The following PLD1 variants were observed in gnomAD, a reference collection of about 807,000 sequenced individuals.
PLD1 encodes choline phosphatase 1.
PLD1 carries 112 observed loss-of-function variants against 137.1 expected under a neutral mutation model. The ratio of observed to expected loss-of-function variants is 0.82; its 90% CI spans 0.70 to 0.96. The LOEUF (loss-of-function observed/expected upper bound fraction) is 0.96. PLD1 is among the 40% of genes least tolerant of loss of function. The pLI is 0.00. For synonymous variants in PLD1, 431 were observed against 454.7 expected (o/e 0.95, Z 0.66); for missense variants, 1,321 against 1,342.0 (o/e 0.98, Z 0.24).
At chr3:171,700,077 T>A (rs1716111523) in intron 11 of PLD1, among the ~76,000 whole-genome samples, 1 of 150,762 alleles carries the variant, frequency 6.6e-6, no homozygotes, top group African/African-American at 2.5e-5. Flanking sequence ...CTGTCTCTCA[T>A]ACCCACATGC....
chr3:171,809,369 C>T (rs1724017980), intron 1 of PLD1: 1 of 152,174 alleles, frequency 6.6e-6, no homozygotes, highest in South Asian at 2.1e-4. Context: ...AGATTCCTTT[C>T]CTTCTTTAAG....
In PLD1 at chr3:171,677,625, C is replaced by A; in HGVS notation, c.1937G>T (p.Gly646Val). 6.2e-7 allele frequency: 1 copy of A among 1,613,984 alleles called. No individual in the cohort carries two copies. The highest frequency in any genetic ancestry group is 8.5e-7 in the Non-Finnish European group (1 of 1,179,852). The change falls in exon 17 of 27, where the codon GGA becomes GTA. Residue 646 changes from glycine to valine, a missense_variant. Gly to Val is a moderately radical substitution (Grantham distance 109). Coordinates refer to ENST00000351298, the MANE Select transcript of PLD1 (RefSeq NM_002662.5). ...GAAGACGAAATTGCAGTAGTCCTTT[C>A]CATGCCAGAATCTGGTTTCCCCATG... is the stretch of plus-strand genomic sequence containing the variant. ...ELHGETRFWH[G>V]KDYCNFVFKD...
chr3:171,783,759 C>T (rs1722886665), intron 1 of PLD1, among the ~76,000 whole-genome samples: 1 of 152,134 alleles, frequency 6.6e-6, no homozygotes, highest in Non-Finnish European at 1.5e-5. Flanking sequence ...TTTCCCACCT[C>T]ATCCTCCCGA....
intron 23 of PLD1, 53 bp from the exon 24 acceptor site, chr3:171,620,573 G>A (rs910753316): frequency 4.5e-5 from 49 of 1,087,960 alleles, no homozygotes; most frequent in African/African-American, 2.5e-4. Flanking sequence ...CTCAATAAAC[G>A]TACATTAAAT....
chr3:171,738,741 T>A (rs563828971), intron 1 of PLD1, among the ~76,000 whole-genome samples: 3 of 152,218 alleles, frequency 2.0e-5, no homozygotes. Flanking sequence ...TATACTTCCC[T>A]CCTTTCTTTT....
At chr3:171,747,301 T>C (rs1020579049) in intron 1 of PLD1, among the ~76,000 whole-genome samples, 1 of 152,226 alleles carries the variant, frequency 6.6e-6, no homozygotes, top group East Asian at 1.9e-4. Flanking sequence ...GGCAGATGCA[T>C]GCCTCTCCCC....
At chr3:171,797,215 C>A (rs942140433) in intron 1 of PLD1, among the ~76,000 whole-genome samples, 5 of 152,200 alleles carry the variant, frequency 3.3e-5, no homozygotes, top group African/African-American at 1.2e-4. Flanking sequence ...TCCTGCTTAA[C>A]CTTTCTGCTT....
At chr3:171,639,885 T>C (rs1402423292) in intron 23 of PLD1, among the ~76,000 whole-genome samples, 1 of 146,424 alleles carries the variant, frequency 6.8e-6, no homozygotes, top group Non-Finnish European at 1.5e-5. Flanking sequence ...GTTCTGTTTC[T>C]TGAGGGAACC....
intron 6 of PLD1, among the ~76,000 whole-genome samples, chr3:171,727,237 G>A (rs867245734): frequency 5.3e-5 from 8 of 152,226 alleles, no homozygotes; most frequent in Middle Eastern, 6.8e-3. Flanking sequence ...GAGAAGTCAA[G>A]TAAGTTGTCC....
intron 23 of PLD1, among the ~76,000 whole-genome samples, chr3:171,630,530 C>T (rs373045813): frequency 1.5e-5 from 2 of 132,150 alleles, no homozygotes; most frequent in East Asian, 2.1e-4. Context: ...ACCCAAAGGA[C>T]TATAAATCAT....
intron 9 of PLD1, among the ~76,000 whole-genome samples, chr3:171,710,482 G>A (rs1055358041): frequency 2.6e-5 from 4 of 152,184 alleles, no homozygotes; most frequent in African/African-American, 7.2e-5. Flanking sequence ...GCGCGCAGCC[G>A]AGATCCCGCG....
chr3:171,787,669 G>A (rs1294655132), intron 1 of PLD1, among the ~76,000 whole-genome samples: 1 of 152,134 alleles, frequency 6.6e-6, no homozygotes, highest in Non-Finnish European at 1.5e-5. Context: ...GGTGTGGTAT[G>A]TGTATGTGTG....
At chr3:171,712,125 A>G (rs2108572340) in intron 9 of PLD1, among the ~76,000 whole-genome samples, 1 of 152,346 alleles carries the variant, frequency 6.6e-6, no homozygotes, top group South Asian at 2.1e-4. Context: ...TATAAAGATT[A>G]GCCATGTCCA....
rs1460288179 is a variant in PLD1 at position 171,752,467 on chromosome 3, A to C, written c.-31-14385T>G. On this transcript the variant is annotated intron_variant, in intron 1 of 26. Coordinates refer to ENST00000351298, the MANE Select transcript of PLD1 (RefSeq NM_002662.5). ...AGCTCTTTCCCTCTTGCTGAGCTGT[A>C]AGCTCTTTGAGAACTCAGAATGACA... 2.6e-5 allele frequency among the ~76,000 whole-genome samples: 4 copies of C among 152,218 alleles called. No homozygotes were observed. In the South Asian group the frequency reaches 6.2e-4, roughly 24 times the overall value.
intron 19 of PLD1, among the ~76,000 whole-genome samples, chr3:171,662,922 G>T (rs766741995): frequency 3.9e-5 from 6 of 152,206 alleles, no homozygotes; most frequent in Non-Finnish European, 8.8e-5. Flanking sequence ...GCTTGAACTT[G>T]CTTTTTGTCA....
At chr3:171,712,740 C>T (rs938978727) in intron 9 of PLD1, among the ~76,000 whole-genome samples, 7 of 152,152 alleles carry the variant, frequency 4.6e-5, no homozygotes, top group Admixed American at 1.3e-4. Flanking sequence ...GTGGGAAATG[C>T]AGATGAAGTG....
intron 11 of PLD1, among the ~76,000 whole-genome samples, chr3:171,703,429 G>A (rs1716412022): frequency 1.3e-5 from 2 of 152,080 alleles, no homozygotes. Flanking sequence ...TCATCTATAG[G>A]ACAACCCTAA....
At chr3:171,734,416 C>T (rs1215574360) in intron 5 of PLD1, among the ~76,000 whole-genome samples, 2 of 152,256 alleles carry the variant, frequency 1.3e-5, no homozygotes, top group African/African-American at 4.8e-5. Context: ...AGTGCTGTGC[C>T]TGTCTGTACT....
At chr3:171,642,817 T>C in intron 23 of PLD1, 23 bp downstream of exon 23, 1 of 1,411,134 alleles carries the variant, frequency 7.1e-7, no homozygotes, top group East Asian at 2.3e-5. Context: ...AACAATGATA[T>C]GAGAAAAAAA....
Sources: gnomAD v4.1 joint callset for allele counts (sites outside exome capture counted in the v4.1 genomes callset) on GRCh38, gnomAD v4.1.1 for gene constraint, MANE v1.5 for transcripts, NCBI Gene and HGNC (gene_info 2026-07-23, HGNC 2026-07-21) for gene names.